The following PSPC1 variants were observed in gnomAD, a reference collection of about 807,000 sequenced individuals.
PSPC1 encodes the protein paraspeckle component 1, also known as paraspeckle protein 1.
Under a neutral mutation model 51.6 loss-of-function variants are expected in PSPC1, and 14 were observed. The ratio of observed to expected loss-of-function variants is 0.27; its 90% CI spans 0.18 to 0.42. The LOEUF is 0.42. Ranked by LOEUF, PSPC1 falls within the 10% of genes least tolerant of loss-of-function variation. The pLI, the probability that PSPC1 is intolerant of heterozygous loss-of-function variation, is 1.00. For missense variants in PSPC1, 406 were observed against 701.1 expected (o/e 0.58, Z 4.75); for synonymous variants, 193 against 231.9 (o/e 0.83, Z 1.53).
chr13:19,750,354 C>T (rs1886407016), intron 4 of PSPC1, among the ~76,000 whole-genome samples: 1 of 151,844 alleles, frequency 6.6e-6, no homozygotes, highest in Non-Finnish European at 1.5e-5. Flanking sequence ...ATTGCTTGAA[C>T]CCAGGTGGTG....
chr13:19,732,932 AAAAAG>A (rs1203330237), intron 5 of PSPC1, among the ~76,000 whole-genome samples: 21 of 149,866 alleles, frequency 1.4e-4, no homozygotes, highest in South Asian at 2.1e-4. Flanking sequence ...ATCTCAAAAA[AAAAAG>A]AAAAAGAAAA....
chr13:19,711,376 C>G (rs1335998392), intron 6 of PSPC1, among the ~76,000 whole-genome samples: 1 of 152,064 alleles, frequency 6.6e-6, no homozygotes, highest in East Asian at 1.9e-4. Flanking sequence ...GTGGCTCACG[C>G]CTGTAATCCC....
chr13:19,716,500 T>C (rs1397345110), intron 6 of PSPC1, among the ~76,000 whole-genome samples: 2 of 152,184 alleles, frequency 1.3e-5, no homozygotes, highest in African/African-American at 2.4e-5. Context: ...TCAATACTCT[T>C]TTTTAGGTCA....
chr13:19,691,428 T>C (rs1878530239), intron 6 of PSPC1, among the ~76,000 whole-genome samples: 1 of 151,616 alleles, frequency 6.6e-6, no homozygotes, highest in Admixed American at 6.6e-5. Flanking sequence ...ACTACTGAGG[T>C]GGGATGATCA....
chr13:19,781,834 T>C lies in PSPC1; in HGVS notation c.372+552A>G, dbSNP rs567864647. Among the ~76,000 whole-genome samples the C allele has an allele frequency of 4.6e-5, 7 of 152,328 alleles. No individual in the cohort carries two copies. The East Asian group carries it at 9.6e-4, about 21-fold the overall frequency. On this transcript the variant is annotated intron_variant, in intron 1 of 8. Transcript: ENST00000338910. ...AAAGTGGTCTACCCTTAAACGCATA[T>C]AGGTGTGGTTGAAGCCAAGGATGGG...
At chr13:19,733,786 A>ATATAT (rs1555237784) in intron 5 of PSPC1, among the ~76,000 whole-genome samples, 3 of 141,790 alleles carry the variant, frequency 2.1e-5, no homozygotes, top group Non-Finnish European at 4.6e-5. Flanking sequence ...AAGAAAAAAA[A>ATATAT]ATATATATAT....
At chr13:19,710,963 G>A (rs551013470) in intron 6 of PSPC1, among the ~76,000 whole-genome samples, 4 of 151,324 alleles carry the variant, frequency 2.6e-5, no homozygotes, top group South Asian at 2.1e-4. Flanking sequence ...TCAGCTTCCC[G>A]AATAGATGGG....
downstream of PSPC1, among the ~76,000 whole-genome samples, chr13:19,702,168 T>C (rs1345333629): frequency 6.6e-6 from 1 of 152,208 alleles, no homozygotes; most frequent in Non-Finnish European, 1.5e-5. Flanking sequence ...CTGCCATTCC[T>C]TGGAGACAAA....
At chr13:19,766,983 G>A (rs2138261913) in intron 2 of PSPC1, among the ~76,000 whole-genome samples, 1 of 152,030 alleles carries the variant, frequency 6.6e-6, no homozygotes, top group Admixed American at 6.6e-5. Flanking sequence ...AGACCAGCCT[G>A]GACAAAATGA....
intron 5 of PSPC1, among the ~76,000 whole-genome samples, chr13:19,739,469 CG>C (rs1483749266): frequency 6.6e-6 from 1 of 152,038 alleles, no homozygotes; most frequent in Non-Finnish European, 1.5e-5. Flanking sequence ...AAGATCTGGC[CG>C]GGCGTGGTGG....
intron 2 of PSPC1, among the ~76,000 whole-genome samples, chr13:19,769,412 G>A (rs891176678): frequency 5.3e-5 from 8 of 152,046 alleles, no homozygotes; most frequent in East Asian, 1.9e-4. Flanking sequence ...AAAATTAGCC[G>A]GGCGTGGCGG....
chr13:19,777,985 T>A (rs1333259050), intron 1 of PSPC1, among the ~76,000 whole-genome samples: 1 of 151,978 alleles, frequency 6.6e-6, no homozygotes, highest in Non-Finnish European at 1.5e-5. Context: ...GGCTCACCCC[T>A]GAAATCCAAG....
chr13:19,733,778 G>GAAA (rs66861600), intron 5 of PSPC1, among the ~76,000 whole-genome samples: 10,626 of 138,370 alleles, frequency 0.077, 432 homozygotes, highest in Middle Eastern at 0.12. Flanking sequence ...CAAGAAAAAA[G>GAAA]AAAAAAAAAT....
chr13:19,751,974 C>A (rs1886599214), intron 3 of PSPC1, among the ~76,000 whole-genome samples: 1 of 152,164 alleles, frequency 6.6e-6, no homozygotes, highest in Non-Finnish European at 1.5e-5. Context: ...AGGAGAATGG[C>A]ATGAACCCAG....
chr13:19,738,639 G>A (rs542801247), intron 5 of PSPC1, among the ~76,000 whole-genome samples: 98 of 152,296 alleles, frequency 6.4e-4, no homozygotes, highest in African/African-American at 2.3e-3. Context: ...CGGGTGCAGT[G>A]GCTCACGCCT....
chr13:19,777,429 C>CAAA (rs397938970), intron 1 of PSPC1, among the ~76,000 whole-genome samples: 41 of 47,492 alleles, frequency 8.6e-4, no homozygotes, highest in Middle Eastern at 0.011. Context: ...GACCTCAGCT[C>CAAA]AAAAAAAAAA....
chr13:19,765,024 A>C (rs1476754294), intron 2 of PSPC1, among the ~76,000 whole-genome samples: 2 of 152,090 alleles, frequency 1.3e-5, no homozygotes, highest in African/African-American at 4.8e-5. Flanking sequence ...ACCCTTATAG[A>C]CATGTACCAT....
At chr13:19,744,906 A>G (rs1052114375) in intron 4 of PSPC1, among the ~76,000 whole-genome samples, 1 of 152,198 alleles carries the variant, frequency 6.6e-6, no homozygotes, top group Admixed American at 6.5e-5. Flanking sequence ...AATTACACTC[A>G]GGAATTTTTC....
At chr13:19,679,131 A>C (rs1034459911) in intron 6 of PSPC1, 10 of 152,200 alleles carry the variant, frequency 6.6e-5, no homozygotes, top group Non-Finnish European at 8.8e-5. Flanking sequence ...AGCAATTGGC[A>C]TTCTATCTAC....
Sources: gnomAD v4.1 joint callset for allele counts (sites outside exome capture counted in the v4.1 genomes callset) on GRCh38, gnomAD v4.1.1 for gene constraint, MANE v1.5 for transcripts, NCBI Gene and HGNC (gene_info 2026-07-23, HGNC 2026-07-21) for gene names.